The following NRXN3 variants were observed in gnomAD, a reference collection of about 807,000 sequenced individuals.
NRXN3 encodes the protein neurexin III.
In NRXN3, 32 loss-of-function variants were observed where a neutral mutation model predicts 137.6. That is an observed-to-expected ratio of 0.23 (90% CI 0.18 to 0.31). The LOEUF is 0.31. NRXN3 is among the 10% of genes least tolerant of loss of function. The pLI, the probability that NRXN3 is intolerant of heterozygous loss-of-function variation, is 1.00. For synonymous variants in NRXN3, 798 were observed against 784.5 expected (o/e 1.02, Z -0.29); for missense variants, 1,574 against 2,062.5 (o/e 0.76, Z 4.59).
intron 4 of NRXN3, among the ~76,000 whole-genome samples, chr14:78,312,159 G>A (rs1454636371): frequency 6.6e-6 from 1 of 152,176 alleles, no homozygotes; most frequent in African/African-American, 2.4e-5. Flanking sequence ...ATATAAGGAA[G>A]ATTCTGGAAG....
At chr14:79,470,990 G>A (rs1040034847) in intron 16 of NRXN3, among the ~76,000 whole-genome samples, 1 of 135,018 alleles carries the variant, frequency 7.4e-6, no homozygotes, top group Non-Finnish European at 1.6e-5. Context: ...GTGTGTGTGT[G>A]TGTGTGTTGG....
chr14:78,899,552 G>A (rs992451051), intron 10 of NRXN3, among the ~76,000 whole-genome samples: 1 of 151,958 alleles, frequency 6.6e-6, no homozygotes, highest in South Asian at 2.1e-4. Context: ...TTCTTAGTGA[G>A]ATTTGCAACC....
intron 15 of NRXN3, among the ~76,000 whole-genome samples, chr14:79,257,752 A>G (rs1430967289): frequency 6.6e-6 from 1 of 151,834 alleles, no homozygotes; most frequent in Non-Finnish European, 1.5e-5. Context: ...CAGGAAGATC[A>G]TGATATCAAC....
At chr14:78,370,087 T>C (rs1159812917) in intron 4 of NRXN3, among the ~76,000 whole-genome samples, 5 of 152,188 alleles carry the variant, frequency 3.3e-5, no homozygotes, top group Non-Finnish European at 7.3e-5. Flanking sequence ...AGATCTGTCA[T>C]AGTCATTCCC....
chr14:79,320,765 A>G (rs1240279801), intron 15 of NRXN3, among the ~76,000 whole-genome samples: 3 of 152,208 alleles, frequency 2.0e-5, no homozygotes, highest in South Asian at 2.1e-4. Context: ...TTGGTACAGT[A>G]TTAAGGCTAT....
rs553785771 is a variant in NRXN3 at position 78,532,731 on chromosome 14, TTTC to T, written c.758-112380_758-112378del. Among the ~76,000 whole-genome samples, 950 of 152,254 alleles carry T rather than the reference TTTC, an allele frequency of 6.2e-3. 4 individuals carry two copies. The highest frequency in any genetic ancestry group is 0.011 in the Non-Finnish European group (741 of 68,010). ...AGCTCCCATCTTTGTTTATCTTCGC[TTTC>T]TTCTTCTTTTTTTTTTCCTTCGTAT... On this transcript the variant is annotated intron_variant, in intron 4 of 20. Transcript: ENST00000335750.
At chr14:79,782,369 G>A (rs2099116414) in intron 19 of NRXN3, among the ~76,000 whole-genome samples, 1 of 152,146 alleles carries the variant, frequency 6.6e-6, no homozygotes, top group Admixed American at 6.5e-5. Flanking sequence ...TTCTGTCTTT[G>A]TCACAACTAA....
chr14:79,245,663 A>G (rs1485344896), intron 15 of NRXN3, among the ~76,000 whole-genome samples: 1 of 152,148 alleles, frequency 6.6e-6, no homozygotes, highest in Admixed American at 6.6e-5. Context: ...TAATAAATAG[A>G]ATAAAATATT....
intron 6 of NRXN3, among the ~76,000 whole-genome samples, chr14:78,659,894 G>A (rs1027056442): frequency 2.0e-5 from 3 of 152,172 alleles, no homozygotes; most frequent in East Asian, 1.9e-4. Flanking sequence ...AATGTCAGTC[G>A]ATTAGAGATT....
intron 4 of NRXN3, among the ~76,000 whole-genome samples, chr14:78,425,196 A>G (rs746593284): frequency 2.0e-5 from 3 of 152,200 alleles, no homozygotes; most frequent in Non-Finnish European, 4.4e-5. Flanking sequence ...TACCCAAGCT[A>G]TTTAATTTTT....
rs532630267 is a variant in NRXN3, at chr14:78,747,468, C to A, written c.2044+32329C>A. Among the ~76,000 whole-genome samples the A allele has an allele frequency of 4.4e-4, 67 of 152,316 alleles. 1 individual carries two copies. In the South Asian group the frequency reaches 0.013, roughly 30 times the overall value. Reference sequence around the variant, plus strand: ...TAGTGAAAGAAGAGTGAGGAGTCAACAGATGATTCTGCTTCTTATTTCACG... The same window carrying A: ...TAGTGAAAGAAGAGTGAGGAGTCAAAAGATGATTCTGCTTCTTATTTCACG... On this transcript the variant is annotated intron_variant, in intron 8 of 20. Coordinates refer to ENST00000335750, the MANE Select transcript of NRXN3 (RefSeq NM_001330195.2).
At chr14:78,864,843 G>T (rs2099082562) in intron 10 of NRXN3, among the ~76,000 whole-genome samples, 1 of 152,120 alleles carries the variant, frequency 6.6e-6, no homozygotes, top group Non-Finnish European at 1.5e-5. Flanking sequence ...CTATTGTTCA[G>T]ATTCTTCCTG....
intron 15 of NRXN3, among the ~76,000 whole-genome samples, chr14:79,237,614 A>C (rs2073615407): frequency 6.6e-6 from 1 of 152,088 alleles, no homozygotes; most frequent in Non-Finnish European, 1.5e-5. Flanking sequence ...TTACTCCAAG[A>C]AGAAATGCTC....
At chr14:78,213,325 A>G (rs2062929129) in intron 1 of NRXN3, among the ~76,000 whole-genome samples, 1 of 152,192 alleles carries the variant, frequency 6.6e-6, no homozygotes, top group Non-Finnish European at 1.5e-5. Flanking sequence ...CAAGAAGCAG[A>G]CATCAAAACA....
At chr14:79,584,163 G>T (rs17764096) in intron 16 of NRXN3, among the ~76,000 whole-genome samples, 17,890 of 152,072 alleles carry the variant, frequency 0.12, 1,186 homozygotes, top group South Asian at 0.23. Flanking sequence ...AATGGTATGT[G>T]GTATGCAGAG....
chr14:78,624,009 GTT>G (rs1216441901), intron 4 of NRXN3, among the ~76,000 whole-genome samples: 1 of 152,180 alleles, frequency 6.6e-6, no homozygotes, highest in Non-Finnish European at 1.5e-5. Context: ...AAGGCTCCTG[GTT>G]ATAGGGTTTG....
At chr14:78,263,589 T>C (rs1375636697) in intron 2 of NRXN3, among the ~76,000 whole-genome samples, 1 of 152,210 alleles carries the variant, frequency 6.6e-6, no homozygotes, top group East Asian at 1.9e-4. Context: ...CAATTCAGTT[T>C]TATCTTACTG....
chr14:78,356,304 G>T (rs2084296527), intron 4 of NRXN3, among the ~76,000 whole-genome samples: 1 of 152,016 alleles, frequency 6.6e-6, no homozygotes, highest in Non-Finnish European at 1.5e-5. Flanking sequence ...AACTAGTCCA[G>T]CTTGCCCTTA....
chr14:79,793,794 T>C (rs1203200990), intron 19 of NRXN3, among the ~76,000 whole-genome samples: 1 of 152,248 alleles, frequency 6.6e-6, no homozygotes, highest in Non-Finnish European at 1.5e-5. Flanking sequence ...CGTCCTTATA[T>C]TGTGTGCAAT....
Sources: allele counts gnomAD v4.1 joint callset (sites outside exome capture counted in the v4.1 genomes callset), GRCh38; gene constraint gnomAD v4.1.1; transcripts MANE v1.5; gene names NCBI Gene and HGNC (gene_info 2026-07-23, HGNC 2026-07-21).